CTNNA2: variants seen among roughly 807,000 people sequenced by gnomAD.
CTNNA2 encodes catenin alpha 2.
Under a neutral mutation model 101.0 loss-of-function variants are expected in CTNNA2, and 42 were observed. The ratio of observed to expected loss-of-function variants is 0.42; its 90% confidence interval spans 0.32 to 0.54. The LOEUF is 0.54. Ranked by LOEUF, CTNNA2 falls within the 20% of genes least tolerant of loss-of-function variation. CTNNA2 has a pLI of 0.14. For synonymous variants in CTNNA2, 450 were observed against 456.4 expected, an observed-to-expected ratio of 0.99 and a Z score of 0.18; for missense variants, 871 against 1,223.1, an observed-to-expected ratio of 0.71 and a Z score of 4.29.
intron 3 of CTNNA2, among the ~76,000 whole-genome samples, chr2:79,324,536 C>G (rs1471960508): frequency 6.6e-6 from 1 of 152,116 alleles, no homozygotes; most frequent in African/African-American, 2.4e-5. Context: ...TAAGTCAAGA[C>G]AGGACAGTTA....
chr2:79,921,190 G>A (rs1326337506), intron 7 of CTNNA2, among the ~76,000 whole-genome samples: 1 of 152,176 alleles, frequency 6.6e-6, no homozygotes, highest in Non-Finnish European at 1.5e-5. Context: ...TCTAAATTGA[G>A]CAAGTACCCC....
At chr2:79,495,072 C>T (rs936348416) in intron 4 of CTNNA2, among the ~76,000 whole-genome samples, 2 of 152,174 alleles carry the variant, frequency 1.3e-5, no homozygotes, top group South Asian at 4.2e-4. Flanking sequence ...CACTGCACTC[C>T]AGCCTGGGCG....
chr2:79,909,767 C>G lies in CTNNA2; in HGVS notation c.1026C>G (p.Leu342=), dbSNP rs767544687. The change falls in exon 7 of 19, where the codon CTC becomes CTG. Residue 342 remains leucine, a synonymous_variant. Coordinates refer to ENST00000402739, the MANE Select transcript of CTNNA2 (RefSeq NM_001282597.3). ...AGTGCAACGCCGTGCGGCAGGCGCT[C>G]CAGGACCTGCTCAGCGAGTACATGA... The part of the protein sequence containing the change: ...VAECNAVRQA[L]QDLLSEYMNN... 1.3e-4 allele frequency: 212 copies of G among 1,611,984 alleles called. 1 individual carries two copies. The highest frequency in any genetic ancestry group is 3.0e-5 in the Non-Finnish European group (35 of 1,178,912).
intron 3 of CTNNA2, among the ~76,000 whole-genome samples, chr2:79,771,992 C>A (rs184619194): frequency 7.0e-6 from 1 of 143,342 alleles, no homozygotes; most frequent in East Asian, 2.3e-4. Context: ...GATAAGTTAA[C>A]CCCCCCTCCT....
chr2:80,429,854 G>T (rs1681330577), intron 9 of CTNNA2, among the ~76,000 whole-genome samples: 2 of 152,180 alleles, frequency 1.3e-5, no homozygotes, highest in Non-Finnish European at 2.9e-5. Flanking sequence ...AAGCTTGCTT[G>T]CAAGTTGGTG....
At chr2:80,123,214 A>G (rs1701939412) in intron 7 of CTNNA2, among the ~76,000 whole-genome samples, 1 of 152,150 alleles carries the variant, frequency 6.6e-6, no homozygotes, top group Non-Finnish European at 1.5e-5. Flanking sequence ...TCAGCTCCCA[A>G]GCATTTCGTT....
chr2:80,478,936 T>A (rs1271473103), intron 9 of CTNNA2, among the ~76,000 whole-genome samples: 2 of 152,076 alleles, frequency 1.3e-5, no homozygotes, highest in Non-Finnish European at 2.9e-5. Context: ...GTGAGAGGAA[T>A]TACATTGAAT....
chr2:80,296,374 AT>A (rs925358340), intron 7 of CTNNA2, among the ~76,000 whole-genome samples: 16 of 151,538 alleles, frequency 1.1e-4, no homozygotes, highest in East Asian at 1.9e-4. Flanking sequence ...TGTTAACTTG[AT>A]TTTTTTTTCC....
chr2:79,563,108 A>G (rs1446556934), intron 1 of CTNNA2, among the ~76,000 whole-genome samples: 1 of 150,962 alleles, frequency 6.6e-6, no homozygotes, highest in Admixed American at 6.6e-5. Context: ...TGTTTTACAG[A>G]CAATATTTTG....
intron 3 of CTNNA2, among the ~76,000 whole-genome samples, chr2:79,825,475 A>AG (rs148248360): frequency 6.6e-6 from 1 of 152,120 alleles, no homozygotes; most frequent in Non-Finnish European, 1.5e-5. Flanking sequence ...GGAAAAAAAA[A>AG]TGAAAGATGA....
intron 3 of CTNNA2, among the ~76,000 whole-genome samples, chr2:79,765,085 C>A (rs563084277): frequency 6.6e-6 from 1 of 152,250 alleles, no homozygotes; most frequent in South Asian, 2.1e-4. Flanking sequence ...CATCCTTCAA[C>A]AAGAAGATTT....
chr2:79,199,495 A>G (rs763742724), intron 2 of CTNNA2, among the ~76,000 whole-genome samples: 3 of 152,164 alleles, frequency 2.0e-5, no homozygotes, highest in Non-Finnish European at 4.4e-5. Flanking sequence ...AAAAAACAGT[A>G]ATTAACAACT....
intron 4 of CTNNA2, among the ~76,000 whole-genome samples, chr2:79,414,574 C>A (rs1001254607): frequency 2.6e-5 from 4 of 152,094 alleles, no homozygotes; most frequent in Non-Finnish European, 5.9e-5. Flanking sequence ...GGATTCTCTA[C>A]AGATGCTCCC....
intron 1 of CTNNA2, among the ~76,000 whole-genome samples, chr2:79,606,368 T>C (rs1382487090): frequency 6.6e-6 from 1 of 152,064 alleles, no homozygotes; most frequent in East Asian, 1.9e-4. Context: ...CCCGAGTTCA[T>C]GCCATTCTCC....
At chr2:79,832,132 C>G (rs1333670564) in intron 3 of CTNNA2, among the ~76,000 whole-genome samples, 1 of 152,200 alleles carries the variant, frequency 6.6e-6, no homozygotes, top group Non-Finnish European at 1.5e-5. Flanking sequence ...TCAATCTCAT[C>G]TATCACACTT....
chr2:79,959,811 GA>G (rs1689504792), intron 7 of CTNNA2, among the ~76,000 whole-genome samples: 1 of 152,154 alleles, frequency 6.6e-6, no homozygotes, highest in Non-Finnish European at 1.5e-5. Flanking sequence ...CACTTGGTTG[GA>G]ATGGGATCCA....
intron 7 of CTNNA2, among the ~76,000 whole-genome samples, chr2:80,098,396 T>G (rs1700307806): frequency 6.6e-6 from 1 of 152,176 alleles, no homozygotes; most frequent in Non-Finnish European, 1.5e-5. Context: ...CCCGGCCATG[T>G]GAGGTGTCAG....
chr2:79,680,857 C>T (rs1293304587), intron 2 of CTNNA2, among the ~76,000 whole-genome samples: 5 of 152,194 alleles, frequency 3.3e-5, no homozygotes, highest in African/African-American at 9.7e-5. Context: ...CAAAGCTTTG[C>T]TTGTGTATCA....
rs143412397 is a variant in CTNNA2, at chr2:79,790,232, C to A, written c.298+45650C>A. Among the ~76,000 whole-genome samples, 861 of 152,080 alleles carry A rather than the reference C, an allele frequency of 5.7e-3. 6 individuals are homozygous for A. Among genetic ancestry groups the A allele is most frequent in the South Asian group, 0.025 (119 of 4,808 alleles). On this transcript the variant is annotated intron_variant, in intron 3 of 18. Transcript: ENST00000402739. The stretch of plus-strand genomic sequence containing the variant: ...TGGGGAAGAGGAAAAGAGGAATTTC[C>A]GCTAGGAACTGTTTAAGAGCTGTTA...
Sources: gnomAD v4.1 joint callset for allele counts (sites outside exome capture counted in the v4.1 genomes callset) on GRCh38, gnomAD v4.1.1 for gene constraint, MANE v1.5 for transcripts, NCBI Gene and HGNC (gene_info 2026-07-23, HGNC 2026-07-21) for gene names.